RIMS3: variants seen among roughly 807,000 people sequenced by gnomAD.
RIMS3 encodes regulating synaptic membrane exocytosis protein 3.
RIMS3 carries 15 observed loss-of-function variants against 29.2 expected under a neutral mutation model. The observed-to-expected ratio is 0.51, with a 90% CI of 0.34 to 0.79. RIMS3 has a LOEUF of 0.79. RIMS3 is among the 30% of genes least tolerant of loss of function. RIMS3 has a pLI of 0.01. For missense variants in RIMS3, 342 were observed against 421.4 expected (o/e 0.81, Z 1.65); for synonymous variants, 161 against 170.1 (o/e 0.95, Z 0.41).
At chr1:40,691,663 T>C in the RIMS3 span, 1 of 444,998 alleles carries the variant, frequency 2.2e-6, no homozygotes, top group African/African-American at 2.0e-5. Flanking sequence ...ATACTGGGAG[T>C]CCAGGCGCCA....
rs1335553215 is a variant in RIMS3 at position 40,633,062 on chromosome 1, G to A, written c.472+7C>T. The stretch of plus-strand genomic sequence containing the variant: ...ACCCCACTCAACCTGCCCTTAATAA[G>A]ACTCACCCATGGGTGGTGTTGCCAG... On this transcript the variant is annotated splice_region_variant and intron_variant, in intron 5 of 7. Transcript: ENST00000372684. The A allele has an allele frequency of 6.2e-7, 1 of 1,611,428 alleles. No individual in the cohort carries two copies. The highest frequency in any genetic ancestry group is 2.2e-5 in the East Asian group (1 of 44,854).
chr1:40,636,064 C>A lies in RIMS3; in HGVS notation c.218-7G>T, dbSNP rs773010573. On this transcript the variant is annotated splice_polypyrimidine_tract_variant and splice_region_variant and intron_variant, in intron 3 of 7. Transcript: ENST00000372684. The surrounding 1 kb of genome is among the most constrained non-coding windows in gnomAD (Gnocchi z 4.2). ...AGCTTCTTGGTGGCCCCTTCTGTGA[C>A]CCCCCCAACCCCAAGCACAGAGAGG... 3 of 1,600,998 alleles carry A rather than the reference C, an allele frequency of 1.9e-6. No individual in the cohort carries two copies. Among genetic ancestry groups the A allele is most frequent in the South Asian group, 2.2e-5 (2 of 91,024 alleles).
intron 1 of RIMS3, among the ~76,000 whole-genome samples, chr1:40,652,313 T>C (rs184280384): frequency 6.6e-6 from 1 of 152,350 alleles, no homozygotes; most frequent in African/African-American, 2.4e-5. Context: ...GAGCTTGCTC[T>C]GATCCATGGG....
chr1:40,624,622 A>T lies in RIMS3; in HGVS notation c.*1895T>A, dbSNP rs1646442324. The T allele has an allele frequency of 6.6e-6, 1 of 152,196 alleles. No individual in the cohort carries two copies. The highest frequency in any genetic ancestry group is 1.5e-5 in the Non-Finnish European group (1 of 68,050). 9.4% of individuals were successfully genotyped at this position (152,196 alleles called of 1,614,324 possible). A position where few individuals can be genotyped will look rare whatever the true frequency, so the allele number is the denominator to read the frequency against. On this transcript the variant is annotated 3_prime_UTR_variant, in exon 8 of 8. Transcript: ENST00000372684. ...CTCCGTTCATTTCCTTCCTGCCCTT[A>T]CCCACTTCTTGTCCTGTGGGCAGGC... is the stretch of plus-strand genomic sequence containing the variant.
chr1:40,636,143 C>T lies in RIMS3; in HGVS notation c.218-86G>A. 11 of 1,523,196 alleles carry T rather than the reference C, an allele frequency of 7.2e-6. No individual in the cohort carries two copies. Among genetic ancestry groups the T allele is most frequent in the African/African-American group, 1.4e-5 (1 of 73,464 alleles). 94.4% of individuals were successfully genotyped at this position (1,523,196 alleles called of 1,614,324 possible). A position where few individuals can be genotyped will look rare whatever the true frequency, so the allele number is the denominator to read the frequency against. ...CTCTAAGAGTCCTGCCAAAGTCACT[C>T]TCTTGGCATGGGGGGTTGATGGGGA... On this transcript the variant is annotated intron_variant, in intron 3 of 7. Coordinates refer to ENST00000372684, the MANE Select transcript of RIMS3 (RefSeq NM_014747.3). The surrounding 1 kb of genome is among the most constrained non-coding windows in gnomAD (Gnocchi z 4.2).
At chr1:40,679,399 G>C in the RIMS3 span, among the ~76,000 whole-genome samples, 1 of 152,238 alleles carries the variant, frequency 6.6e-6, no homozygotes, top group Admixed American at 6.5e-5. Flanking sequence ...TCAGGGTCCA[G>C]AGTGGGAAAG....
chr1:40,668,378 C>T (rs565313202), upstream of RIMS3, among the ~76,000 whole-genome samples: 12 of 150,976 alleles, frequency 7.9e-5, no homozygotes, highest in East Asian at 3.9e-4. Flanking sequence ...GCTGTGATCA[C>T]GCCACTGCAC....
intron 3 of RIMS3, among the ~76,000 whole-genome samples, chr1:40,639,499 G>C (rs1418448281): frequency 6.6e-6 from 1 of 152,166 alleles, no homozygotes; most frequent in African/African-American, 2.4e-5. Flanking sequence ...AATAATAACA[G>C]CATCAACACT....
At chr1:40,691,633 C>T in the RIMS3 span, 1 of 419,962 alleles carries the variant, frequency 2.4e-6, no homozygotes, top group Admixed American at 2.6e-5. Flanking sequence ...TCAAGGAGCA[C>T]AGCTTCTGCG....
chr1:40,646,512 G>A, intron 2 of RIMS3, among the ~76,000 whole-genome samples: 1 of 152,212 alleles, frequency 6.6e-6, no homozygotes, highest in South Asian at 2.1e-4. Context: ...CTCAGCCCAG[G>A]TCATGGCACC....
At chr1:40,677,590 T>A in the RIMS3 span, among the ~76,000 whole-genome samples, 1 of 151,640 alleles carries the variant, frequency 6.6e-6, no homozygotes, top group Non-Finnish European at 1.5e-5. Flanking sequence ...CCCAGCTACT[T>A]GGGAGGCTGA....
chr1:40,646,846 C>T (rs1379921190), intron 2 of RIMS3, among the ~76,000 whole-genome samples: 2 of 151,940 alleles, frequency 1.3e-5, no homozygotes, highest in African/African-American at 2.4e-5. Context: ...TACCCTGGGC[C>T]CCTCAGTCCC....
At chr1:40,652,320 T>C (rs1372594060) in intron 1 of RIMS3, among the ~76,000 whole-genome samples, 1 of 152,212 alleles carries the variant, frequency 6.6e-6, no homozygotes, top group Non-Finnish European at 1.5e-5. Flanking sequence ...CTCTGATCCA[T>C]GGGTCACAGG....
chr1:40,641,581 G>T, intron 3 of RIMS3, 128 bp downstream of exon 3: 1 of 860,404 alleles, frequency 1.2e-6, no homozygotes, highest in Non-Finnish European at 1.8e-6. Flanking sequence ...AGCACCTGGT[G>T]TATGGGAAGG....
At chr1:40,659,715 C>T (rs758771875) in intron 1 of RIMS3, among the ~76,000 whole-genome samples, 1 of 152,136 alleles carries the variant, frequency 6.6e-6, no homozygotes, top group Non-Finnish European at 1.5e-5. Context: ...GGCTTCCCTG[C>T]GGAAATGACG....
At chr1:40,659,937 G>A (rs1642327741) in intron 1 of RIMS3, among the ~76,000 whole-genome samples, 1 of 152,186 alleles carries the variant, frequency 6.6e-6, no homozygotes, top group African/African-American at 2.4e-5. Flanking sequence ...AGGCTTGGAA[G>A]GGTCCTAAGC....
chr1:40,668,823 A>C (rs1056697396), upstream of RIMS3, among the ~76,000 whole-genome samples: 2 of 152,076 alleles, frequency 1.3e-5, no homozygotes, highest in Admixed American at 6.5e-5. Flanking sequence ...GTTGCCCCCT[A>C]CCCTGTCCCC....
intron 5 of RIMS3, among the ~76,000 whole-genome samples, chr1:40,630,918 G>T (rs919089101): frequency 6.6e-6 from 1 of 152,152 alleles, no homozygotes. Context: ...CCCTCTGAGG[G>T]TCCCCATCAT....
chr1:40,672,661 C>A, the RIMS3 span, among the ~76,000 whole-genome samples: 1 of 152,186 alleles, frequency 6.6e-6, no homozygotes, highest in Non-Finnish European at 1.5e-5. Context: ...TTTTACTGAG[C>A]AGCTACTCTG....
Sources: allele counts gnomAD v4.1 joint callset (sites outside exome capture counted in the v4.1 genomes callset), GRCh38; gene constraint gnomAD v4.1.1; non-coding constraint Gnocchi (gnomAD v3.1); transcripts MANE v1.5; gene names NCBI Gene and HGNC (gene_info 2026-07-23, HGNC 2026-07-21).